Variants in TGM7 observed in about 807,000 individuals in gnomAD.
TGM7 encodes the protein protein-glutamine gamma-glutamyltransferase Z.
TGM7 carries 74 observed loss-of-function variants against 79.5 expected under a neutral mutation model. The observed-to-expected ratio is 0.93, with a 90% CI of 0.77 to 1.13. The LOEUF (loss-of-function observed/expected upper bound fraction) is 1.13, where lower values mean the gene tolerates loss of function less well. Ranked by LOEUF, TGM7 falls within the 50% of genes most tolerant of loss-of-function variation. The pLI is 0.00. For missense variants in TGM7, 912 were observed against 905.9 expected (o/e 1.01, Z -0.09); for synonymous variants, 354 against 362.5 (o/e 0.98, Z 0.27).
chr15:43,292,118 G>C, intron 3 of TGM7, 21 bp from the exon 4 acceptor site: 1 of 1,578,460 alleles, frequency 6.3e-7, no homozygotes, highest in Non-Finnish European at 8.7e-7. Context: ...AAGAGTAGTG[G>C]AGGGGGCAAA....
intron 6 of TGM7, 118 bp from the exon 7 acceptor site, chr15:43,285,070 CA>C: frequency 9.1e-7 from 1 of 1,099,898 alleles, no homozygotes; most frequent in Non-Finnish European, 1.3e-6. Flanking sequence ...TACGGAACCA[CA>C]CCAGTAACTC....
chr15:43,276,606 G>T lies in TGM7; in HGVS notation c.1982C>A (p.Thr661Asn). 1 of 1,613,078 alleles carries T rather than the reference G, an allele frequency of 6.2e-7. No individual in the cohort carries two copies. The highest frequency in any genetic ancestry group is 1.1e-5 in the South Asian group (1 of 90,978). Residue 661 changes from threonine to asparagine, a missense_variant, in exon 13 of 13, where the codon ACT becomes AAT. By Grantham distance (65) the Thr-to-Asn change is moderately conservative. Transcript: ENST00000452443. ...INGQIAKDLGTLVAGHTLQIQ... is the reference protein window; with the variant it reads ...INGQIAKDLGNLVAGHTLQIQ... Reference sequence around the variant, plus strand: ...TTGGAGGGTGTGTCCGGCCACCAGAGTCCCAAGGCTGAAAGTCAGAAACAG... The same window carrying T: ...TTGGAGGGTGTGTCCGGCCACCAGATTCCCAAGGCTGAAAGTCAGAAACAG...
intron 8 of TGM7, 132 bp from the exon 9 acceptor site, chr15:43,282,218 T>C: frequency 1.5e-6 from 2 of 1,337,836 alleles, no homozygotes; most frequent in Non-Finnish European, 2.0e-6. Context: ...CAAGCACTTT[T>C]GTTCCCATTA....
At position 43,293,440 on chromosome 15, in the gene TGM7, CA is replaced by C. The variant is rs1424692404; in HGVS notation, c.193+8del. 10 of 1,591,736 alleles carry C rather than the reference CA, an allele frequency of 6.3e-6. No homozygotes were observed. The highest frequency in any genetic ancestry group is 8.6e-6 in the Non-Finnish European group (10 of 1,165,430). On this transcript the variant is annotated splice_region_variant and intron_variant, in intron 2 of 12. Transcript: ENST00000452443. ...GAACCTGCGGGGCCTTGGGACAGGG[CA>C]AACTCACCGGTCTCAGCCACAAAGG...
At position 43,284,876 on chromosome 15, in the gene TGM7, G is replaced by C. The variant is rs770432780; in HGVS notation, c.942C>G (p.Thr314=). 2.7e-5 allele frequency: 43 copies of C among 1,613,986 alleles called. No homozygotes were observed. The East Asian group carries it at 8.5e-4, about 32-fold the overall frequency. ...RSAHNVDRNL[T]IDTYYDRNAE... ...CATTTCGGTCATAGTACGTATCGAT[G>C]GTCAAGTTCCTATCCACGTTGTGCG... The change falls in exon 7 of 13, where the codon ACC becomes ACG. Residue 314 remains threonine, a synonymous_variant. Transcript: ENST00000452443.
intron 1 of TGM7, among the ~76,000 whole-genome samples, chr15:43,293,921 TG>T (rs1335588463): frequency 2.7e-4 from 2 of 7,420 alleles, no homozygotes; most frequent in African/African-American, 1.4e-3. Context: ...GCGGGGGGAG[TG>T]GGGTGTGCGG....
rs372192305 is a variant in TGM7, at chr15:43,291,722, A to G, written c.558+257T>C. Among the ~76,000 whole-genome samples, 22 of 152,332 alleles carry G rather than the reference A, an allele frequency of 1.4e-4. No homozygotes were observed. In the South Asian group the frequency reaches 2.3e-3, roughly 16 times the overall value. ...CTGAGAGGTGGGTACAGGGAGATCT[A>G]TTGTAGTAGCCTGTCTACTTTGATT... is the stretch of plus-strand genomic sequence containing the variant. On this transcript the variant is annotated intron_variant, in intron 4 of 12. Coordinates refer to ENST00000452443, the MANE Select transcript of TGM7 (RefSeq NM_052955.3).
At chr15:43,291,839 C>T in intron 4 of TGM7, 140 bp downstream of exon 4, 1 of 585,658 alleles carries the variant, frequency 1.7e-6, no homozygotes, top group Non-Finnish European at 3.1e-6. Context: ...GGATGTGAAG[C>T]TGGCCAAGCC....
At chr15:43,294,725 C>T (rs906172098) in intron 1 of TGM7, among the ~76,000 whole-genome samples, 6 of 152,126 alleles carry the variant, frequency 3.9e-5, no homozygotes, top group South Asian at 2.1e-4. Context: ...CGGGAAATTC[C>T]GTGCCCTGGA....
At chr15:43,289,546 C>T (rs1596462981) in intron 4 of TGM7, among the ~76,000 whole-genome samples, 1 of 152,074 alleles carries the variant, frequency 6.6e-6, no homozygotes, top group East Asian at 1.9e-4. Flanking sequence ...GTCTTTATAG[C>T]AGCATGATTT....
intron 7 of TGM7, among the ~76,000 whole-genome samples, chr15:43,282,979 G>A (rs990328699): frequency 3.3e-5 from 5 of 152,180 alleles, no homozygotes; most frequent in African/African-American, 1.2e-4. Context: ...GAACCCAGGA[G>A]GCGGAGCTTG....
At chr15:43,276,768 G>T (rs950843520) in intron 12 of TGM7, 94 bp downstream of exon 12, 2 of 1,549,916 alleles carry the variant, frequency 1.3e-6, no homozygotes, top group Admixed American at 3.7e-5. Context: ...GGGCAGAGAG[G>T]CACTGCACAG....
chr15:43,279,008 C>T lies in TGM7; in HGVS notation c.1839+109G>A. On this transcript the variant is annotated intron_variant, in intron 11 of 12. Coordinates refer to ENST00000452443, the MANE Select transcript of TGM7 (RefSeq NM_052955.3). ...AGACCACACCATACTGTGCTGGAGC[C>T]ATCGGTGTGGTGAGAGGTGGGAACA... 5.0e-6 allele frequency: 6 copies of T among 1,208,126 alleles called. No individual in the cohort carries two copies. The South Asian group carries it at 9.0e-5, about 18-fold the overall frequency. The allele number at this position is 1,208,126 out of a possible 1,614,324, so 74.8% of individuals were successfully genotyped here. A position where few individuals can be genotyped will look rare whatever the true frequency, so the allele number is the denominator to read the frequency against.
chr15:43,279,358 T>C, intron 10 of TGM7, 81 bp from the exon 11 acceptor site: 1 of 1,489,014 alleles, frequency 6.7e-7, no homozygotes, highest in Non-Finnish European at 9.1e-7. Context: ...AGAGGAAAAA[T>C]TAGAATTTTC....
At chr15:43,290,362 A>G (rs555003347) in intron 4 of TGM7, among the ~76,000 whole-genome samples, 1 of 152,162 alleles carries the variant, frequency 6.6e-6, no homozygotes, top group African/African-American at 2.4e-5. Flanking sequence ...TTTGTCAAAG[A>G]TCAGATGGTT....
At chr15:43,278,275 C>T (rs1014712312) in intron 11 of TGM7, among the ~76,000 whole-genome samples, 11 of 152,150 alleles carry the variant, frequency 7.2e-5, no homozygotes, top group African/African-American at 2.2e-4. Flanking sequence ...ACGAGGCTTT[C>T]GGGAAGGAAA....
At chr15:43,282,462 C>T in intron 8 of TGM7, 55 bp downstream of exon 8, 2 of 1,475,558 alleles carry the variant, frequency 1.4e-6, no homozygotes, top group South Asian at 2.4e-5. Context: ...CACGGCCAGT[C>T]ACCCTAATCT....
chr15:43,296,527 G>A (rs1481292394), intron 1 of TGM7, among the ~76,000 whole-genome samples: 1 of 151,720 alleles, frequency 6.6e-6, no homozygotes, highest in Non-Finnish European at 1.5e-5. Flanking sequence ...TTTCATAGCA[G>A]GACCACTGAG....
intron 4 of TGM7, among the ~76,000 whole-genome samples, chr15:43,288,413 G>A (rs773474223): frequency 9.2e-5 from 14 of 152,224 alleles, no homozygotes; most frequent in Non-Finnish European, 1.5e-4. Flanking sequence ...CGCCTGCGGG[G>A]GTTGAGAGTG....
Sources: gnomAD v4.1 joint callset for allele counts (sites outside exome capture counted in the v4.1 genomes callset) on GRCh38, gnomAD v4.1.1 for gene constraint, MANE v1.5 for transcripts, NCBI Gene and HGNC (gene_info 2026-07-23, HGNC 2026-07-21) for gene names.